Variants in CSGALNACT1 observed in about 807,000 individuals in gnomAD.
CSGALNACT1 encodes beta4GalNAcT-1.
A neutral mutation model predicts 51.0 loss-of-function variants in CSGALNACT1; 52 were observed. The observed-to-expected ratio is 1.02, with a 90% confidence interval of 0.82 to 1.29. CSGALNACT1 has a LOEUF of 1.29. Ranked by LOEUF, CSGALNACT1 falls within the 50% of genes most tolerant of loss-of-function variation. CSGALNACT1 has a pLI of 0.00. For synonymous variants in CSGALNACT1, 341 were observed against 254.4 expected (o/e 1.34, Z -3.24); for missense variants, 935 against 679.2 (o/e 1.38, Z -4.19).
chr8:19,551,359 A>C (rs1395984286), intron 3 of CSGALNACT1, among the ~76,000 whole-genome samples: 1 of 152,136 alleles, frequency 6.6e-6, no homozygotes, highest in Non-Finnish European at 1.5e-5. Flanking sequence ...GCATGTCAGG[A>C]CAACAGCACA....
At chr8:19,439,104 G>A (rs2060876445) in intron 6 of CSGALNACT1, among the ~76,000 whole-genome samples, 1 of 152,224 alleles carries the variant, frequency 6.6e-6, no homozygotes, top group Admixed American at 6.5e-5. Context: ...AGGCCAGCGT[G>A]CAGCGCCATT....
At chr8:19,658,455 C>A (rs757721483) in intron 1 of CSGALNACT1, among the ~76,000 whole-genome samples, 4 of 152,088 alleles carry the variant, frequency 2.6e-5, no homozygotes, top group Non-Finnish European at 5.9e-5. Flanking sequence ...AACAAGAGGC[C>A]GGGCATGGTG....
chr8:19,568,402 A>T (rs1283855810), intron 3 of CSGALNACT1, among the ~76,000 whole-genome samples: 1 of 152,170 alleles, frequency 6.6e-6, no homozygotes, highest in African/African-American at 2.4e-5. Flanking sequence ...CCACCATCAT[A>T]TATGTGATTC....
Position 19,530,311 on chromosome 8 carries a change from TACACAC to T in CSGALNACT1, c.-296-24187_-296-24182del, listed in dbSNP as rs72389712. Among the ~76,000 whole-genome samples the T allele has an allele frequency of 1.9e-3, 112 of 59,784 alleles. 1 individual carries two copies. The Middle Eastern group carries it at 0.029, about 15-fold the overall frequency. 39.2% of individuals were successfully genotyped at this position (59,784 alleles called of 152,430 possible). On this transcript the variant is annotated intron_variant, in intron 3 of 9. Transcript: ENST00000454498. ...TTCAATATCCATGAATGTGTACACA[TACACAC>T]ACACACACACACACACACACACGCA... is the stretch of plus-strand genomic sequence containing the variant.
chr8:19,631,531 C>A (rs1370506493), intron 1 of CSGALNACT1, among the ~76,000 whole-genome samples: 1 of 152,178 alleles, frequency 6.6e-6, no homozygotes, highest in Non-Finnish European at 1.5e-5. Flanking sequence ...TTCAGCCAAT[C>A]AAATTGGAGG....
intron 1 of CSGALNACT1, among the ~76,000 whole-genome samples, chr8:19,617,646 T>G (rs1351449470): frequency 6.6e-6 from 1 of 152,242 alleles, no homozygotes. Context: ...AGGATAATTC[T>G]GAACAAGAAG....
At chr8:19,500,988 G>A (rs6985230) in intron 4 of CSGALNACT1, among the ~76,000 whole-genome samples, 10 of 152,112 alleles carry the variant, frequency 6.6e-5, no homozygotes, top group Non-Finnish European at 1.3e-4. Context: ...GGTGGCTCAC[G>A]CCTGTAATCC....
chr8:19,467,849 G>A (rs1485497354), intron 4 of CSGALNACT1, among the ~76,000 whole-genome samples: 2 of 152,252 alleles, frequency 1.3e-5, no homozygotes, highest in African/African-American at 4.8e-5. Flanking sequence ...AGCCAGGCAT[G>A]GTTGTATGCC....
At chr8:19,730,296 G>T (rs934798863) in intron 1 of CSGALNACT1, among the ~76,000 whole-genome samples, 1 of 152,176 alleles carries the variant, frequency 6.6e-6, no homozygotes, top group African/African-American at 2.4e-5. Flanking sequence ...AACACTCGGG[G>T]AATAGGACAC....
intron 1 of CSGALNACT1, among the ~76,000 whole-genome samples, chr8:19,628,023 A>C (rs190903527): frequency 6.6e-6 from 1 of 152,328 alleles, no homozygotes; most frequent in African/African-American, 2.4e-5. Flanking sequence ...TTGCGAGTCT[A>C]AAATGATTTC....
chr8:19,436,122 G>C (rs965951356), intron 6 of CSGALNACT1, among the ~76,000 whole-genome samples: 3 of 152,190 alleles, frequency 2.0e-5, no homozygotes, highest in Non-Finnish European at 2.9e-5. Flanking sequence ...ACTAGGGAGA[G>C]AGAGTGTGAA....
chr8:19,507,784 C>T (rs139587032), intron 3 of CSGALNACT1, among the ~76,000 whole-genome samples: 4 of 152,282 alleles, frequency 2.6e-5, no homozygotes, highest in African/African-American at 9.6e-5. Flanking sequence ...CGCATCACCA[C>T]CCCTGGCTAA....
chr8:19,665,269 T>C (rs1040654363), intron 1 of CSGALNACT1, among the ~76,000 whole-genome samples: 1 of 152,184 alleles, frequency 6.6e-6, no homozygotes, highest in African/African-American at 2.4e-5. Context: ...AGCTTCAAAA[T>C]ATACTGATAG....
At chr8:19,673,688 C>G (rs1271319850) in intron 1 of CSGALNACT1, among the ~76,000 whole-genome samples, 1 of 152,192 alleles carries the variant, frequency 6.6e-6, no homozygotes, top group African/African-American at 2.4e-5. Context: ...GCTAATGTTC[C>G]ATACCCCAAA....
chr8:19,747,843 G>T (rs1243603753), intron 1 of CSGALNACT1, among the ~76,000 whole-genome samples: 1 of 151,746 alleles, frequency 6.6e-6, no homozygotes, highest in African/African-American at 2.4e-5. Context: ...AAAAAAGAAA[G>T]ATAAAGACTC....
intron 4 of CSGALNACT1, among the ~76,000 whole-genome samples, chr8:19,472,599 A>T (rs1165233711): frequency 6.6e-6 from 1 of 152,272 alleles, no homozygotes; most frequent in Non-Finnish European, 1.5e-5. Context: ...AGGGCACACG[A>T]GTAAGAATCT....
chr8:19,451,429 T>C (rs1364939264), intron 5 of CSGALNACT1, among the ~76,000 whole-genome samples: 1 of 152,162 alleles, frequency 6.6e-6, no homozygotes, highest in Non-Finnish European at 1.5e-5. Context: ...ACAAATACTT[T>C]TTGAGAGTAG....
intron 1 of CSGALNACT1, among the ~76,000 whole-genome samples, chr8:19,610,098 T>A (rs2052002190): frequency 6.6e-6 from 1 of 151,336 alleles, no homozygotes; most frequent in Admixed American, 6.6e-5. Flanking sequence ...TGAGGGTGCC[T>A]GTAACCCCAG....
At chr8:19,749,360 A>AG (rs1484423641) in intron 1 of CSGALNACT1, among the ~76,000 whole-genome samples, 1 of 151,958 alleles carries the variant, frequency 6.6e-6, no homozygotes, top group Non-Finnish European at 1.5e-5. Flanking sequence ...TGGCTTTAAA[A>AG]AAAAAAGCCT....
Sources: allele counts gnomAD v4.1 joint callset (sites outside exome capture counted in the v4.1 genomes callset), GRCh38; gene constraint gnomAD v4.1.1; transcripts MANE v1.5; gene names NCBI Gene and HGNC (gene_info 2026-07-23, HGNC 2026-07-21).